ROBO1: variants seen among roughly 807,000 people sequenced by gnomAD.
ROBO1 encodes the protein roundabout guidance receptor 1, also known as roundabout homolog 1.
ROBO1 carries 149 observed loss-of-function variants against 195.9 expected under a neutral mutation model. The observed-to-expected ratio is 0.76, with a 90% CI of 0.67 to 0.87. The LOEUF (loss-of-function observed/expected upper bound fraction) is 0.87. ROBO1 is among the 40% of genes least tolerant of loss of function. The pLI, the probability that ROBO1 is intolerant of heterozygous loss-of-function variation, is 0.00. For synonymous variants in ROBO1, 816 were observed against 733.2 expected, an observed-to-expected ratio of 1.11 and a Z score of -1.82; for missense variants, 1,933 against 2,068.3, an observed-to-expected ratio of 0.93 and a Z score of 1.27.
chr3:78,623,747 G>A (rs552096910), intron 26 of ROBO1, among the ~76,000 whole-genome samples: 2 of 152,272 alleles, frequency 1.3e-5, no homozygotes, highest in Admixed American at 6.5e-5. Flanking sequence ...GTGCATTTAT[G>A]GCTGGAGATA....
intron 2 of ROBO1, among the ~76,000 whole-genome samples, chr3:79,395,340 A>AAAAAAAAAAGAAAGAAAG (rs71631648): frequency 8.4e-6 from 1 of 119,062 alleles, no homozygotes; most frequent in African/African-American, 3.1e-5. Flanking sequence ...AAAAAAAAAA[A>AAAAAAAAAAGAAAGAAAG]AAAGAAAGAA....
intron 25 of ROBO1, among the ~76,000 whole-genome samples, chr3:78,628,154 A>G (rs1228475813): frequency 1.3e-5 from 2 of 152,108 alleles, no homozygotes; most frequent in Admixed American, 1.3e-4. Context: ...GGGTTTCACC[A>G]TGTTGGTTAG....
At chr3:79,619,908 G>A (rs187083853) in intron 1 of ROBO1, among the ~76,000 whole-genome samples, 16 of 152,204 alleles carry the variant, frequency 1.1e-4, no homozygotes, top group African/African-American at 1.7e-4. Flanking sequence ...AATTAACCTC[G>A]CCTTCAAGGT....
chr3:78,841,122 T>C (rs1032767713), intron 4 of ROBO1, among the ~76,000 whole-genome samples: 1 of 151,130 alleles, frequency 6.6e-6, no homozygotes, highest in Non-Finnish European at 1.5e-5. Flanking sequence ...AATAAGGCAA[T>C]GTTGTATGTT....
chr3:78,646,153 T>C lies in ROBO1; in HGVS notation c.2877A>G (p.Gly959=). ...YQRGGEAVSS[G]GRPGLLNISE... ...AAAACAAGCAAGATAATTACCTCCC[T>C]CCACTGCTGACAGCTTCGCCTCCTC... is the stretch of plus-strand genomic sequence containing the variant. Residue 959 remains glycine (G), a synonymous_variant, in exon 21 of 31, where the codon GGA becomes GGG. Transcript: ENST00000464233. 6.2e-7 allele frequency: 1 copy of C among 1,606,248 alleles called. No individual in the cohort carries two copies. Among genetic ancestry groups the C allele is most frequent in the Non-Finnish European group, 8.5e-7 (1 of 1,174,720 alleles).
At chr3:78,632,006 T>A (rs570094871) in intron 24 of ROBO1, among the ~76,000 whole-genome samples, 2 of 152,186 alleles carry the variant, frequency 1.3e-5, no homozygotes, top group Non-Finnish European at 2.9e-5. Flanking sequence ...ATCTGGCATA[T>A]TTTTTAAACA....
Position 78,699,620 on chromosome 3 carries a change from T to G in ROBO1, c.1046-10848A>C, listed in dbSNP as rs1028026079. ...AATAATAATAATAATACAATTACAC[T>G]TTGTTTTTACGTTTTGTTTTTTGCT... On this transcript the variant is annotated intron_variant, in intron 8 of 30. Transcript: ENST00000464233. 5.3e-5 allele frequency among the ~76,000 whole-genome samples: 8 copies of G among 151,182 alleles called. No homozygotes were observed. In the East Asian group the frequency reaches 1.2e-3, roughly 22 times the overall value.
At chr3:79,500,957 C>A (rs1461315468) in intron 2 of ROBO1, among the ~76,000 whole-genome samples, 1 of 152,006 alleles carries the variant, frequency 6.6e-6, no homozygotes, top group African/African-American at 2.4e-5. Flanking sequence ...TCACATCACC[C>A]TTTCCTCCCC....
chr3:78,919,951 C>T (rs1435020495), intron 4 of ROBO1, among the ~76,000 whole-genome samples: 1 of 152,152 alleles, frequency 6.6e-6, no homozygotes, highest in African/African-American at 2.4e-5. Flanking sequence ...AACCAATTAC[C>T]TGTGGCAGGG....
At chr3:79,744,510 G>T (rs966419657) in intron 1 of ROBO1, among the ~76,000 whole-genome samples, 4 of 152,062 alleles carry the variant, frequency 2.6e-5, no homozygotes, top group Non-Finnish European at 5.9e-5. Context: ...TGGGTATAGC[G>T]ACTTCATAAG....
intron 4 of ROBO1, among the ~76,000 whole-genome samples, chr3:78,916,245 C>CAAAAAAA (rs34944563): frequency 1.1e-5 from 1 of 91,952 alleles, no homozygotes; most frequent in African/African-American, 4.2e-5. Flanking sequence ...GAGACTCCGT[C>CAAAAAAA]AAAAAAAAAA....
chr3:79,021,782 T>C (rs958430386), intron 3 of ROBO1, among the ~76,000 whole-genome samples: 2 of 148,532 alleles, frequency 1.3e-5, no homozygotes, highest in African/African-American at 2.5e-5. Flanking sequence ...TGCCTCAGCC[T>C]CCCAAGTAGC....
At chr3:79,591,960 A>G (rs1343171276) in intron 1 of ROBO1, among the ~76,000 whole-genome samples, 2 of 151,812 alleles carry the variant, frequency 1.3e-5, no homozygotes, top group Non-Finnish European at 1.5e-5. Context: ...AAATGTGTAT[A>G]AGCAGTTGTG....
chr3:79,617,715 G>C (rs1226173539), intron 1 of ROBO1, among the ~76,000 whole-genome samples: 2 of 151,240 alleles, frequency 1.3e-5, no homozygotes, highest in Non-Finnish European at 2.9e-5. Flanking sequence ...CTAACCAACA[G>C]GGAATTCTGA....
intron 20 of ROBO1, among the ~76,000 whole-genome samples, chr3:78,646,450 C>T (rs1038113812): frequency 6.7e-6 from 1 of 150,068 alleles, no homozygotes; most frequent in Non-Finnish European, 1.5e-5. Flanking sequence ...CTTCAAATTC[C>T]AATAAGGTGG....
At chr3:79,152,343 G>A (rs925917986) in intron 2 of ROBO1, among the ~76,000 whole-genome samples, 1 of 151,772 alleles carries the variant, frequency 6.6e-6, no homozygotes, top group Non-Finnish European at 1.5e-5. Flanking sequence ...TTGAGTGAAT[G>A]AGAAAGAAAA....
At chr3:79,205,753 G>A (rs1052224223) in intron 2 of ROBO1, among the ~76,000 whole-genome samples, 1 of 152,148 alleles carries the variant, frequency 6.6e-6, no homozygotes, top group African/African-American at 2.4e-5. Flanking sequence ...CTACAAAACT[G>A]ATTTCTGGAA....
At chr3:79,171,642 T>G (rs902606002) in intron 2 of ROBO1, among the ~76,000 whole-genome samples, 7 of 152,058 alleles carry the variant, frequency 4.6e-5, no homozygotes, top group Admixed American at 4.6e-4. Context: ...ATTCACGTGA[T>G]TGAAAAACAA....
chr3:79,766,879 G>A (rs1268553792), intron 1 of ROBO1, among the ~76,000 whole-genome samples: 1 of 152,138 alleles, frequency 6.6e-6, no homozygotes, highest in African/African-American at 2.4e-5. Context: ...ACCAACTGGA[G>A]CGCTTCCTGG....
Sources: allele counts gnomAD v4.1 joint callset (sites outside exome capture counted in the v4.1 genomes callset), GRCh38; gene constraint gnomAD v4.1.1; transcripts MANE v1.5; gene names NCBI Gene and HGNC (gene_info 2026-07-23, HGNC 2026-07-21).